The following FAM234A variants were observed in gnomAD, a reference collection of about 807,000 sequenced individuals.
FAM234A encodes protein FAM234A.
FAM234A carries 42 observed loss-of-function variants against 49.1 expected under a neutral mutation model. That is an observed-to-expected ratio of 0.86 (90% CI 0.67 to 1.11). The LOEUF is 1.11. Among genes scored for constraint, FAM234A ranks in the 50% least tolerant of loss-of-function variants. The probability of loss-of-function intolerance (pLI) is 0.00; values close to 1 mark genes in which losing one functional copy is unlikely to be tolerated. For synonymous variants in FAM234A, 369 were observed against 316.2 expected (o/e 1.17, Z -1.77); for missense variants, 815 against 745.2 (o/e 1.09, Z -1.09).
At chr16:251,860 A>C (rs2051026665) in intron 2 of FAM234A, among the ~76,000 whole-genome samples, 1 of 150,720 alleles carries the variant, frequency 6.6e-6, no homozygotes, top group Non-Finnish European at 1.5e-5. Context: ...AAAATTAGCC[A>C]GGCATGGTGG....
At chr16:256,861 G>C (rs918019228) in intron 3 of FAM234A, among the ~76,000 whole-genome samples, 1 of 151,664 alleles carries the variant, frequency 6.6e-6, no homozygotes, top group Non-Finnish European at 1.5e-5. Context: ...TCCTGCCTCA[G>C]CCTCCCGAGT....
At chr16:261,288 C>T in intron 5 of FAM234A, 96 bp from the exon 6 acceptor site, 1 of 1,457,952 alleles carries the variant, frequency 6.9e-7, no homozygotes, top group Non-Finnish European at 9.4e-7. Context: ...AGGGTGATGC[C>T]TCAACAGGAG....
chr16:254,726 C>T lies in FAM234A; in HGVS notation c.268+45C>T, dbSNP rs530930094. 3.3e-5 allele frequency: 53 copies of T among 1,598,906 alleles called. No homozygotes were observed. In the East Asian group the frequency reaches 1.1e-3, roughly 32 times the overall value. On this transcript the variant is annotated intron_variant, in intron 3 of 12. Coordinates refer to ENST00000399932, the MANE Select transcript of FAM234A (RefSeq NM_032039.4). ...CCCAGTGGGGTCCAAAGCAGCTCTTCCCAGGGGATGGGGCGGAGGGGGCAG... is the reference window on the plus strand; with the variant it reads ...CCCAGTGGGGTCCAAAGCAGCTCTTTCCAGGGGATGGGGCGGAGGGGGCAG...
chr16:238,979 G>C (rs866883206), intron 1 of FAM234A, among the ~76,000 whole-genome samples: 1 of 147,304 alleles, frequency 6.8e-6, no homozygotes, highest in African/African-American at 2.5e-5. Context: ...CTACTCAGGA[G>C]GCTGAGGCAG....
At chr16:238,560 AT>A (rs2050483613) in intron 1 of FAM234A, among the ~76,000 whole-genome samples, 1 of 151,848 alleles carries the variant, frequency 6.6e-6, no homozygotes. Flanking sequence ...AGGTCAGGAG[AT>A]CGAGACCATC....
intron 4 of FAM234A, 109 bp downstream of exon 4, chr16:259,708 C>G: frequency 1.3e-6 from 1 of 789,204 alleles, no homozygotes. Context: ...GGTGGTGTTT[C>G]TGGAACCCAT....
chr16:264,623 G>C lies in FAM234A; in HGVS notation c.1354G>C (p.Glu452Gln). 1 of 1,609,564 alleles carries C rather than the reference G, an allele frequency of 6.2e-7. No homozygotes were observed. The highest frequency in any genetic ancestry group is 8.5e-7 in the Non-Finnish European group (1 of 1,178,866). ...CTGGTTCTCGCTCCAGGAGACCGGG[G>C]AGGCCCGGCACAGCCTGTACATGTT... is the stretch of plus-strand genomic sequence containing the variant. ...LGSTSETETG[E>Q]ARHSLYMFHP... The change falls in exon 12 of 13, where the codon GAG becomes CAG. Residue 452 changes from glutamate to glutamine, a missense_variant. By Grantham distance (29) the Glu-to-Gln change is conservative. Transcript: ENST00000399932.
intron 9 of FAM234A, 65 bp downstream of exon 9, chr16:263,467 G>A (rs780330287): frequency 2.8e-5 from 45 of 1,583,318 alleles, no homozygotes; most frequent in East Asian, 1.6e-4. Context: ...GGCACATCCC[G>A]TTGGCTGGCG....
intron 3 of FAM234A, among the ~76,000 whole-genome samples, chr16:258,356 C>CT (rs1351487345): frequency 6.6e-6 from 1 of 152,124 alleles, no homozygotes; most frequent in Non-Finnish European, 1.5e-5. Flanking sequence ...GGTGATGACT[C>CT]TTAACGAGCA....
At chr16:242,575 T>C (rs2050656480) in intron 1 of FAM234A, among the ~76,000 whole-genome samples, 1 of 151,734 alleles carries the variant, frequency 6.6e-6, no homozygotes. Flanking sequence ...GTATTGTGTT[T>C]ATCTTTCTTT....
At chr16:268,005 G>GA (rs1310010212), downstream of FAM234A, among the ~76,000 whole-genome samples, 3 of 76,970 alleles carry the variant, frequency 3.9e-5, no homozygotes, top group South Asian at 8.8e-4. Flanking sequence ...TCATACACAC[G>GA]CACACACACC....
chr16:252,075 A>C (rs1596795983), intron 2 of FAM234A, among the ~76,000 whole-genome samples: 1 of 149,898 alleles, frequency 6.7e-6, no homozygotes, highest in Non-Finnish European at 1.5e-5. Flanking sequence ...ATCAGAGCTC[A>C]CTGCAGCCTC....
At position 265,170 on chromosome 16, in the gene FAM234A, C is replaced by T. The variant is rs2051650222; in HGVS notation, c.*148C>T. On this transcript the variant is annotated 3_prime_UTR_variant, in exon 13 of 13. Coordinates refer to ENST00000399932, the MANE Select transcript of FAM234A (RefSeq NM_032039.4). ...CTGGGCAGCAGCAGCCTTACCAGTCCTCCATGATCACACCCAGGGACCTGC... is the reference window on the plus strand; with the variant it reads ...CTGGGCAGCAGCAGCCTTACCAGTCTTCCATGATCACACCCAGGGACCTGC... 1 of 1,428,284 alleles carries T rather than the reference C, an allele frequency of 7.0e-7. No homozygotes were observed. Among genetic ancestry groups the T allele is most frequent in the Non-Finnish European group, 9.1e-7 (1 of 1,094,848 alleles). The allele number at this position is 1,428,284 out of a possible 1,614,324, so 88.5% of individuals were successfully genotyped here. A position where few individuals can be genotyped will look rare whatever the true frequency, so the allele number is the denominator to read the frequency against.
At chr16:253,529 C>T (rs989774453) in intron 2 of FAM234A, among the ~76,000 whole-genome samples, 2 of 151,780 alleles carry the variant, frequency 1.3e-5, no homozygotes, top group East Asian at 3.9e-4. Context: ...GGCTGGAGTG[C>T]ACTGGCGTGA....
chr16:236,119 A>AT (rs1364988899), intron 1 of FAM234A, among the ~76,000 whole-genome samples: 15 of 150,944 alleles, frequency 9.9e-5, no homozygotes, highest in Admixed American at 2.6e-4. Context: ...CACCCAGCTA[A>AT]TTTTTTTTAT....
rs200705120 is a variant in FAM234A, at chr16:262,567, G to A, written c.971+14G>A. ...GCTTTCCCACAGGTGGGTCCGGGCCGCAGCCTTTCTCCATGCAGAGCGCCC... is the reference window on the plus strand; with the variant it reads ...GCTTTCCCACAGGTGGGTCCGGGCCACAGCCTTTCTCCATGCAGAGCGCCC... On this transcript the variant is annotated intron_variant, in intron 8 of 12. Coordinates refer to ENST00000399932, the MANE Select transcript of FAM234A (RefSeq NM_032039.4). 140 of 1,569,344 alleles carry A rather than the reference G, an allele frequency of 8.9e-5. No individual in the cohort carries two copies. Among genetic ancestry groups the A allele is most frequent in the Non-Finnish European group, 1.1e-4 (130 of 1,161,064 alleles).
chr16:255,549 G>A (rs1382386182), intron 3 of FAM234A, among the ~76,000 whole-genome samples: 1 of 152,188 alleles, frequency 6.6e-6, no homozygotes, highest in Non-Finnish European at 1.5e-5. Context: ...ACTCCAGCCT[G>A]GGTGACAGAG....
intron 1 of FAM234A, among the ~76,000 whole-genome samples, chr16:247,275 G>A (rs954387754): frequency 2.0e-5 from 3 of 151,582 alleles, no homozygotes; most frequent in African/African-American, 4.9e-5. Context: ...GACCACAGGC[G>A]TGTGCCACCA....
At position 259,413 on chromosome 16, in the gene FAM234A, G is replaced by T. The variant is rs201005851; in HGVS notation, c.269-70G>T. ...GTTCCATGTAGCAGAGAAGTAGGTCGTGCTGGACCTGATCGTTCCTGGAAA... is the reference window on the plus strand; with the variant it reads ...GTTCCATGTAGCAGAGAAGTAGGTCTTGCTGGACCTGATCGTTCCTGGAAA... On this transcript the variant is annotated intron_variant, in intron 3 of 12. Transcript: ENST00000399932. 259 of 871,956 alleles carry T rather than the reference G, an allele frequency of 3.0e-4. 3 individuals are homozygous for T. The highest frequency in any genetic ancestry group is 6.7e-4 in the Middle Eastern group (3 of 4,460). The allele number at this position is 871,956 out of a possible 1,614,324, so 54.0% of individuals were successfully genotyped here.
Sources: allele counts gnomAD v4.1 joint callset (sites outside exome capture counted in the v4.1 genomes callset), GRCh38; gene constraint gnomAD v4.1.1; transcripts MANE v1.5; gene names NCBI Gene and HGNC (gene_info 2026-07-23, HGNC 2026-07-21).